STXBP5: variants seen among roughly 807,000 people sequenced by gnomAD.
STXBP5 encodes the protein syntaxin-binding protein 5.
Under a neutral mutation model 152.4 loss-of-function variants are expected in STXBP5, and 50 were observed. The observed-to-expected ratio is 0.33, with a 90% confidence interval of 0.26 to 0.42. The LOEUF (loss-of-function observed/expected upper bound fraction) is 0.42. Ranked by LOEUF, STXBP5 falls within the 10% of genes least tolerant of loss-of-function variation. STXBP5 has a pLI of 1.00. For missense variants in STXBP5, 1,167 were observed against 1,388.6 expected, an observed-to-expected ratio of 0.84 and a Z score of 2.54; for synonymous variants, 492 against 494.7, an observed-to-expected ratio of 0.99 and a Z score of 0.07.
intron 21 of STXBP5, among the ~76,000 whole-genome samples, chr6:147,351,399 A>T (rs191883955): frequency 2.0e-5 from 3 of 152,190 alleles, no homozygotes; most frequent in Non-Finnish European, 4.4e-5. Flanking sequence ...TTTATTTTCT[A>T]CATCTGATAT....
intron 9 of STXBP5, among the ~76,000 whole-genome samples, chr6:147,309,197 T>G (rs1782245922): frequency 6.6e-6 from 1 of 152,208 alleles, no homozygotes; most frequent in Non-Finnish European, 1.5e-5. Flanking sequence ...AGTAACATCA[T>G]GAATAATGGG....
chr6:147,288,227 G>C (rs1368361400), intron 8 of STXBP5, among the ~76,000 whole-genome samples: 1 of 152,176 alleles, frequency 6.6e-6, no homozygotes, highest in African/African-American at 2.4e-5. Flanking sequence ...TTTGAGGTCT[G>C]TGTCAAATGA....
intron 2 of STXBP5, among the ~76,000 whole-genome samples, chr6:147,232,119 T>G (rs1453166439): frequency 6.6e-6 from 1 of 151,846 alleles, no homozygotes; most frequent in East Asian, 1.9e-4. Context: ...TTTTATAGAT[T>G]AGAGAGTTAA....
rs114589033 is a variant in STXBP5, at chr6:147,384,344, T to C, written c.3415-370T>C. On this transcript the variant is annotated intron_variant, in intron 27 of 27. Coordinates refer to ENST00000321680, the MANE Select transcript of STXBP5 (RefSeq NM_001127715.4). ...CATGCAGTGTCTGGCTCAGAATAGATGCTCAGTAAATTTGAGATGGCAGGA... is the reference window on the plus strand; with the variant it reads ...CATGCAGTGTCTGGCTCAGAATAGACGCTCAGTAAATTTGAGATGGCAGGA... Among the ~76,000 whole-genome samples the C allele has an allele frequency of 9.1e-3, 1,379 of 152,274 alleles. 25 individuals are homozygous for C. The highest frequency in any genetic ancestry group is 0.032 in the African/African-American group (1,326 of 41,558).
chr6:147,309,809 G>T (rs1782274332), intron 9 of STXBP5, among the ~76,000 whole-genome samples: 1 of 152,132 alleles, frequency 6.6e-6, no homozygotes, highest in Admixed American at 6.6e-5. Flanking sequence ...AAGCCAGAGA[G>T]AATTTTATGA....
chr6:147,311,379 C>A, intron 10 of STXBP5, 76 bp from the exon 11 acceptor site: 2 of 1,217,850 alleles, frequency 1.6e-6, no homozygotes, highest in Non-Finnish European at 1.2e-6. Flanking sequence ...TAAATAAAAT[C>A]AAGCAAGAAA....
At chr6:147,285,180 A>G (rs965999392) in intron 8 of STXBP5, among the ~76,000 whole-genome samples, 3 of 152,194 alleles carry the variant, frequency 2.0e-5, no homozygotes, top group African/African-American at 7.2e-5. Flanking sequence ...ATAATTAATC[A>G]GATCTTTTAA....
intron 9 of STXBP5, among the ~76,000 whole-genome samples, chr6:147,298,876 C>G (rs1300597548): frequency 6.6e-6 from 1 of 151,846 alleles, no homozygotes; most frequent in East Asian, 1.9e-4. Flanking sequence ...ATCAGAAAAG[C>G]ACAATAATCT....
intron 21 of STXBP5, among the ~76,000 whole-genome samples, chr6:147,348,744 T>G (rs576038682): frequency 6.6e-6 from 1 of 152,334 alleles, no homozygotes; most frequent in South Asian, 2.1e-4. Context: ...TACAACATTT[T>G]TATTCCTGTG....
Position 147,388,736 on chromosome 6 carries a change from A to G in STXBP5, c.*3981A>G, listed in dbSNP as rs1312146365. On this transcript the variant is annotated 3_prime_UTR_variant, in exon 28 of 28. Transcript: ENST00000321680. The stretch of plus-strand genomic sequence containing the variant: ...ATTTTGGGGGAAAATGCCCACAACA[A>G]TAATTGCAAGATCTTTCTCAATAGC... The G allele has an allele frequency of 2.0e-5, 3 of 151,140 alleles. No individual in the cohort carries two copies. The highest frequency in any genetic ancestry group is 4.4e-5 in the Non-Finnish European group (3 of 67,512). 9.4% of individuals were successfully genotyped at this position (151,140 alleles called of 1,614,324 possible). A position where few individuals can be genotyped will look rare whatever the true frequency, so the allele number is the denominator to read the frequency against.
chr6:147,311,992 T>C (rs2128371723), intron 11 of STXBP5, among the ~76,000 whole-genome samples: 1 of 152,290 alleles, frequency 6.6e-6, no homozygotes, highest in Admixed American at 6.5e-5. Flanking sequence ...TAAAAACATC[T>C]GCTACTCCAA....
chr6:147,225,950 A>G (rs1036347758), intron 2 of STXBP5, among the ~76,000 whole-genome samples: 4 of 152,184 alleles, frequency 2.6e-5, no homozygotes, highest in African/African-American at 7.2e-5. Flanking sequence ...TAGTGACAGG[A>G]TTAGAACGTT....
Position 147,206,078 on chromosome 6 carries a change from C to G in STXBP5, c.248+10C>G. The G allele has an allele frequency of 6.2e-7, 1 of 1,608,086 alleles. No individual in the cohort carries two copies. Among genetic ancestry groups the G allele is most frequent in the Non-Finnish European group, 8.5e-7 (1 of 1,174,854 alleles). On this transcript the variant is annotated intron_variant, in intron 2 of 27. Transcript: ENST00000321680. ...CTGGTGCTTTAAGGCTGTATCCTTT[C>G]TTTAATTTTATTTTTTAACTTCTAC... is the stretch of plus-strand genomic sequence containing the variant.
At chr6:147,282,865 GT>G (rs1173415259) in intron 8 of STXBP5, among the ~76,000 whole-genome samples, 1 of 152,096 alleles carries the variant, frequency 6.6e-6, no homozygotes, top group African/African-American at 2.4e-5. Flanking sequence ...GAATCAGATG[GT>G]TTCCTAAGGA....
chr6:147,214,778 G>A (rs1777073243), intron 2 of STXBP5, among the ~76,000 whole-genome samples: 1 of 152,082 alleles, frequency 6.6e-6, no homozygotes. Flanking sequence ...ATGTTACAGG[G>A]TATGAAAAAA....
intron 21 of STXBP5, chr6:147,351,804 T>C: frequency 2.0e-6 from 2 of 982,804 alleles, no homozygotes; most frequent in Non-Finnish European, 2.4e-6. Context: ...AATGCCTCTT[T>C]CCTAACACTG....
intron 7 of STXBP5, among the ~76,000 whole-genome samples, chr6:147,272,314 T>G (rs1336920604): frequency 6.6e-6 from 1 of 152,182 alleles, no homozygotes; most frequent in Non-Finnish European, 1.5e-5. Context: ...CAGACCAGTA[T>G]CCTTGGTGAA....
At chr6:147,325,440 T>C (rs1205274919) in intron 17 of STXBP5, among the ~76,000 whole-genome samples, 3 of 152,214 alleles carry the variant, frequency 2.0e-5, no homozygotes, top group African/African-American at 4.8e-5. Flanking sequence ...AAAACTGTTA[T>C]AAAACTGATT....
chr6:147,286,577 T>G (rs1780972839), intron 8 of STXBP5, among the ~76,000 whole-genome samples: 1 of 152,140 alleles, frequency 6.6e-6, no homozygotes, highest in Non-Finnish European at 1.5e-5. Context: ...TATTAATTAT[T>G]AAGAGGAAAA....
Sources: allele counts gnomAD v4.1 joint callset (sites outside exome capture counted in the v4.1 genomes callset), GRCh38; gene constraint gnomAD v4.1.1; transcripts MANE v1.5; gene names NCBI Gene and HGNC (gene_info 2026-07-23, HGNC 2026-07-21).